The following PHACTR3 variants were observed in gnomAD, a reference collection of about 807,000 sequenced individuals.
PHACTR3 encodes phosphatase and actin regulator 3, also known as protein phosphatase 1, regulatory subunit 123.
A neutral mutation model predicts 66.8 loss-of-function variants in PHACTR3; 16 were observed. The ratio of observed to expected loss-of-function variants is 0.24; its 90% CI spans 0.16 to 0.36. The LOEUF is 0.36. Ranked by LOEUF, PHACTR3 falls within the 10% of genes least tolerant of loss-of-function variation. The pLI is 1.00. For missense variants in PHACTR3, 647 were observed against 719.9 expected (o/e 0.90, Z 1.16); for synonymous variants, 323 against 292.1 (o/e 1.11, Z -1.08).
intron 8 of PHACTR3, among the ~76,000 whole-genome samples, chr20:59,833,908 G>A (rs976588364): frequency 2.0e-5 from 3 of 152,128 alleles, no homozygotes; most frequent in East Asian, 1.9e-4. Flanking sequence ...GTGCCAGAGG[G>A]GCTTATGTGC....
intron 1 of PHACTR3, among the ~76,000 whole-genome samples, chr20:59,742,587 G>C (rs531585603): frequency 1.1e-4 from 16 of 152,218 alleles, no homozygotes; most frequent in Non-Finnish European, 2.4e-4. Context: ...GCAGCCTGGT[G>C]GGAGGGCAGG....
intron 5 of PHACTR3, among the ~76,000 whole-genome samples, chr20:59,768,481 T>A (rs979365632): frequency 1.3e-5 from 2 of 152,210 alleles, no homozygotes; most frequent in Non-Finnish European, 2.9e-5. Context: ...CTGGAAATGA[T>A]TGAGACTTTT....
At chr20:59,847,023 A>G in intron 12 of PHACTR3, 92 bp from the exon 13 acceptor site, 1 of 875,066 alleles carries the variant, frequency 1.1e-6, no homozygotes, top group Non-Finnish European at 1.8e-6. Flanking sequence ...AATCTTTTTA[A>G]TAGCAGCAAA....
In PHACTR3 at chr20:59,840,474, G is replaced by C. The variant is rs538984550; in HGVS notation, c.1446+44G>C. On this transcript the variant is annotated intron_variant, in intron 10 of 12. Transcript: ENST00000371015. ...TGCCTGAATAATAAAAGGTGGTCTA[G>C]AGAACAGCTGCTTCGGTAGCAGGTG... 7.8e-5 allele frequency: 125 copies of C among 1,607,400 alleles called. 1 individual carries two copies. In the South Asian group the frequency reaches 1.3e-3, roughly 16 times the overall value.
At chr20:59,819,471 G>A (rs1384558650) in intron 8 of PHACTR3, among the ~76,000 whole-genome samples, 2 of 151,912 alleles carry the variant, frequency 1.3e-5, no homozygotes, top group Non-Finnish European at 2.9e-5. Context: ...AGGAGTTAGA[G>A]GCTGCAGTGA....
chr20:59,776,742 T>TGGCAGC (rs2040550694), intron 7 of PHACTR3, among the ~76,000 whole-genome samples: 1 of 70,034 alleles, frequency 1.4e-5, no homozygotes, highest in Non-Finnish European at 4.0e-5. Context: ...CAAAACCCTC[T>TGGCAGC]GTGGCAGCGT....
At chr20:59,777,506 C>T (rs2040581140) in intron 7 of PHACTR3, among the ~76,000 whole-genome samples, 1 of 152,214 alleles carries the variant, frequency 6.6e-6, no homozygotes, top group Admixed American at 6.5e-5. Context: ...TGCTGTGAAG[C>T]TTGGACTTGG....
chr20:59,637,712 AC>A (rs113815016), intron 1 of PHACTR3, among the ~76,000 whole-genome samples: 1 of 138,498 alleles, frequency 7.2e-6, no homozygotes, highest in African/African-American at 2.7e-5. Context: ...AAAAAAAAAA[AC>A]CAACAAACAA....
chr20:59,723,652 C>T (rs113998607), intron 1 of PHACTR3, among the ~76,000 whole-genome samples: 20 of 152,082 alleles, frequency 1.3e-4, no homozygotes, highest in East Asian at 3.9e-4. Flanking sequence ...ACCCAGTCTT[C>T]GGGGCAAGCT....
intron 8 of PHACTR3, among the ~76,000 whole-genome samples, chr20:59,828,791 G>T (rs1455865431): frequency 6.6e-6 from 1 of 152,078 alleles, no homozygotes; most frequent in Non-Finnish European, 1.5e-5. Flanking sequence ...TTGTCCTGAG[G>T]ATGGTGGGAA....
At chr20:59,711,325 C>G (rs1392713744) in intron 1 of PHACTR3, among the ~76,000 whole-genome samples, 1 of 152,118 alleles carries the variant, frequency 6.6e-6, no homozygotes, top group Non-Finnish European at 1.5e-5. Flanking sequence ...ACAGCGTAAA[C>G]TTTTTTAAGC....
rs139935351 is a variant in PHACTR3 at position 59,642,488 on chromosome 20, T to C, written c.118+37356T>C. ...TCCAGTACTTTTCCTATAGAAACAT[T>C]TTTCCCGTGTCGGGATTGTTCAGCC... On this transcript the variant is annotated intron_variant, in intron 1 of 12. Transcript: ENST00000371015. Among the ~76,000 whole-genome samples the C allele has an allele frequency of 4.8e-3, 713 of 149,864 alleles. 7 individuals carry two copies. The highest frequency in any genetic ancestry group is 0.016 in the African/African-American group (668 of 40,808).
At chr20:59,737,678 T>G (rs2146744466) in intron 1 of PHACTR3, among the ~76,000 whole-genome samples, 1 of 152,258 alleles carries the variant, frequency 6.6e-6, no homozygotes, top group East Asian at 1.9e-4. Context: ...GAGCCAGGAC[T>G]GTCTAAATTC....
In PHACTR3 at chr20:59,634,038, A is replaced by C. The variant is rs547933788; in HGVS notation, c.118+28906A>C. On this transcript the variant is annotated intron_variant, in intron 1 of 12. Transcript: ENST00000371015. The stretch of plus-strand genomic sequence containing the variant: ...TTACACGATTCCTCTGCTCAGTTTA[A>C]ATACTAATGTTCTGCTTACTCCGTC... Among the ~76,000 whole-genome samples the C allele has an allele frequency of 2.0e-5, 3 of 152,314 alleles. No individual in the cohort carries two copies. In the East Asian group the frequency reaches 5.8e-4, roughly 29 times the overall value.
At position 59,809,993 on chromosome 20, in the gene PHACTR3, C is replaced by T. The variant is rs12624338; in HGVS notation, c.1328+3799C>T. On this transcript the variant is annotated intron_variant, in intron 8 of 12. Coordinates refer to ENST00000371015, the MANE Select transcript of PHACTR3 (RefSeq NM_080672.5). The stretch of plus-strand genomic sequence containing the variant: ...GAATTTTATTCACTTCTGTTATTTG[C>T]GGTTGCCTTTACCTGTACCAGTTAA... Among the ~76,000 whole-genome samples, 17 of 152,246 alleles carry T rather than the reference C, an allele frequency of 1.1e-4. No individual in the cohort carries two copies. In the South Asian group the frequency reaches 2.5e-3, roughly 22 times the overall value.
chr20:59,763,264 C>T (rs2146852866), intron 4 of PHACTR3, among the ~76,000 whole-genome samples: 1 of 152,328 alleles, frequency 6.6e-6, no homozygotes, highest in South Asian at 2.1e-4. Flanking sequence ...TTGCCTTCTG[C>T]CATGATTGTA....
At chr20:59,843,347 A>G (rs1252785657) in intron 11 of PHACTR3, 1 of 152,170 alleles carries the variant, frequency 6.6e-6, no homozygotes, top group Admixed American at 6.5e-5. Flanking sequence ...AGTAAAAGCC[A>G]TCCTAAAATT....
intron 1 of PHACTR3, among the ~76,000 whole-genome samples, chr20:59,584,515 ATGAG>A (rs2032963106): frequency 6.6e-6 from 1 of 151,946 alleles, no homozygotes; most frequent in Non-Finnish European, 1.5e-5. Context: ...TATTACATGC[ATGAG>A]TGTGTGCATG....
At chr20:59,755,486 C>A in intron 4 of PHACTR3, 122 bp downstream of exon 4, 2 of 1,163,402 alleles carry the variant, frequency 1.7e-6, no homozygotes, top group Non-Finnish European at 2.4e-6. Context: ...GAGAGCTGGG[C>A]CCGTGCTCTA....
Sources: allele counts gnomAD v4.1 joint callset (sites outside exome capture counted in the v4.1 genomes callset), GRCh38; gene constraint gnomAD v4.1.1; transcripts MANE v1.5; gene names NCBI Gene and HGNC (gene_info 2026-07-23, HGNC 2026-07-21).